PIGB: variants seen among roughly 807,000 people sequenced by gnomAD.
The protein encoded by PIGB is GPI alpha-1,2-mannosyltransferase 3.
PIGB carries 58 observed loss-of-function variants against 68.4 expected under a neutral mutation model. The observed-to-expected ratio is 0.85, with a 90% CI of 0.69 to 1.06. The LOEUF (loss-of-function observed/expected upper bound fraction) is 1.06. Ranked by LOEUF, PIGB falls within the 50% of genes least tolerant of loss-of-function variation. The pLI is 0.00. For synonymous variants in PIGB, 219 were observed against 220.5 expected, an observed-to-expected ratio of 0.99 and a Z score of 0.06; for missense variants, 634 against 655.8, an observed-to-expected ratio of 0.97 and a Z score of 0.36.
chr15:55,350,721 A>G lies in PIGB; in HGVS notation c.1146A>G (p.Lys382=), dbSNP rs1250805686. The change falls in exon 10 of 12, where the codon AAA becomes AAG. Residue 382 remains lysine (K), a synonymous_variant. Coordinates refer to ENST00000164305, the MANE Select transcript of PIGB (RefSeq NM_004855.5). ...VFCGYSLTHL[K]TWKKPALSFL... The stretch of plus-strand genomic sequence containing the variant: ...TAGGATACTCATTAACCCACCTGAA[A>G]ACATGGAAGAAACCAGCTCTAAGTT... The G allele has an allele frequency of 6.2e-7, 1 of 1,613,202 alleles. No homozygotes were observed. Among genetic ancestry groups the G allele is most frequent in the African/African-American group, 1.3e-5 (1 of 74,918 alleles).
At chr15:55,320,106 C>A in intron 1 of PIGB, 169 bp from the exon 2 acceptor site, 1 of 468,586 alleles carries the variant, frequency 2.1e-6, no homozygotes, top group South Asian at 4.8e-5. Flanking sequence ...CCAGTGATGA[C>A]GCTGTGGTGC....
chr15:55,335,881 C>T (rs2055523614), intron 6 of PIGB, among the ~76,000 whole-genome samples: 1 of 152,116 alleles, frequency 6.6e-6, no homozygotes, highest in South Asian at 2.1e-4. Context: ...TTCCTATCGG[C>T]TTTACCACTG....
At chr15:55,328,931 CAGAGCA>C (rs2055350770) in intron 4 of PIGB, among the ~76,000 whole-genome samples, 4 of 151,982 alleles carry the variant, frequency 2.6e-5, no homozygotes, top group African/African-American at 7.3e-5. Context: ...ACCTGGGTGA[CAGAGCA>C]AGAGCAAGAC....
intron 3 of PIGB, among the ~76,000 whole-genome samples, chr15:55,326,596 G>T (rs1035899019): frequency 6.6e-6 from 1 of 152,182 alleles, no homozygotes; most frequent in African/African-American, 2.4e-5. Flanking sequence ...GCCGAGCACG[G>T]TGGCTTACAC....
intron 8 of PIGB, 43 bp downstream of exon 8, chr15:55,340,866 C>A: frequency 8.1e-7 from 1 of 1,235,670 alleles, no homozygotes; most frequent in Non-Finnish European, 1.1e-6. Context: ...TTTTATGTTA[C>A]CAAGAAATCA....
chr15:55,320,173 C>T, intron 1 of PIGB, 102 bp from the exon 2 acceptor site: 1 of 1,075,770 alleles, frequency 9.3e-7, no homozygotes, highest in Non-Finnish European at 1.3e-6. Context: ...GAGGTCACTA[C>T]TGTGCCTTAC....
At chr15:55,348,960 T>C (rs1167929816) in intron 9 of PIGB, among the ~76,000 whole-genome samples, 1 of 152,194 alleles carries the variant, frequency 6.6e-6, no homozygotes, top group Non-Finnish European at 1.5e-5. Flanking sequence ...TTTTTTAATT[T>C]ATTTTGAGAC....
chr15:55,344,601 A>C (rs921797744), intron 9 of PIGB, among the ~76,000 whole-genome samples: 2 of 152,194 alleles, frequency 1.3e-5, no homozygotes, highest in African/African-American at 4.8e-5. Flanking sequence ...GCCTAATTTG[A>C]ATTTCCCTTA....
At chr15:55,346,589 A>G (rs954132958) in intron 9 of PIGB, 32 of 152,336 alleles carry the variant, frequency 2.1e-4, no homozygotes, top group Middle Eastern at 3.4e-3. Context: ...GGTTGTTACT[A>G]TGTGAAAGGA....
intron 5 of PIGB, among the ~76,000 whole-genome samples, chr15:55,332,471 A>G (rs2055440107): frequency 6.6e-6 from 1 of 150,782 alleles, no homozygotes; most frequent in Non-Finnish European, 1.5e-5. Flanking sequence ...CCCAGGTTCA[A>G]GTGATTCTCC....
intron 10 of PIGB, among the ~76,000 whole-genome samples, chr15:55,354,095 T>C (rs2056004817): frequency 6.6e-6 from 1 of 151,338 alleles, no homozygotes; most frequent in Admixed American, 6.6e-5. Context: ...GTGGATCACC[T>C]GAGGTTAGGA....
chr15:55,350,929 C>T lies in PIGB; in HGVS notation c.1337+17C>T, dbSNP rs772246106. The stretch of plus-strand genomic sequence containing the variant: ...TTATTACAGGTAATAAAAGATGTTC[C>T]ACTATATGCTGTTAAGAAACTGAAA... On this transcript the variant is annotated intron_variant, in intron 10 of 11. Coordinates refer to ENST00000164305, the MANE Select transcript of PIGB (RefSeq NM_004855.5). 1.5e-6 allele frequency: 2 copies of T among 1,303,798 alleles called. No homozygotes were observed. The highest frequency in any genetic ancestry group is 2.5e-5 in the South Asian group (2 of 80,398). 80.8% of individuals were successfully genotyped at this position (1,303,798 alleles called of 1,614,324 possible).
chr15:55,328,801 A>G (rs1362590804), intron 4 of PIGB, among the ~76,000 whole-genome samples: 2 of 152,188 alleles, frequency 1.3e-5, no homozygotes, highest in African/African-American at 2.4e-5. Context: ...CCCTGTCTCT[A>G]CTAAAAATAC....
chr15:55,339,242 T>A, intron 6 of PIGB, 25 bp from the exon 7 acceptor site: 2 of 1,527,374 alleles, frequency 1.3e-6, no homozygotes, highest in Non-Finnish European at 1.8e-6. Context: ...CAAATGTGAA[T>A]CACTATGCTA....
chr15:55,340,320 G>A (rs906116095), intron 7 of PIGB: 2 of 172,946 alleles, frequency 1.2e-5, no homozygotes, highest in South Asian at 2.7e-4. Flanking sequence ...GCCGGGCGTG[G>A]TAGCGGGCGC....
intron 9 of PIGB, 78 bp from the exon 10 acceptor site, chr15:55,350,620 TA>T (rs2055900385): frequency 1.1e-6 from 1 of 878,524 alleles, no homozygotes; most frequent in Non-Finnish European, 1.8e-6. Context: ...CTATTTCCAT[TA>T]AAAATTACAG....
chr15:55,321,520 T>A, intron 3 of PIGB, 130 bp downstream of exon 3: 1 of 633,560 alleles, frequency 1.6e-6, no homozygotes, highest in Non-Finnish European at 2.6e-6. Context: ...TGTGTAACTC[T>A]TTAGTTTGTG....
intron 9 of PIGB, among the ~76,000 whole-genome samples, chr15:55,342,418 T>G (rs1423138679): frequency 6.6e-6 from 1 of 152,148 alleles, no homozygotes; most frequent in African/African-American, 2.4e-5. Context: ...TTAGACAGAG[T>G]CTCACTCTGC....
intron 9 of PIGB, chr15:55,349,678 T>C (rs1468198534): frequency 6.6e-6 from 1 of 152,186 alleles, no homozygotes; most frequent in Non-Finnish European, 1.5e-5. Context: ...CTGTGGATGA[T>C]ATTAACATAT....
Sources: gnomAD v4.1 joint callset for allele counts (sites outside exome capture counted in the v4.1 genomes callset) on GRCh38, gnomAD v4.1.1 for gene constraint, MANE v1.5 for transcripts, NCBI Gene and HGNC (gene_info 2026-07-23, HGNC 2026-07-21) for gene names.